The following TTC7B variants were observed in gnomAD, a reference collection of about 807,000 sequenced individuals.
TTC7B encodes the protein tetratricopeptide repeat domain 7B.
TTC7B carries 28 observed loss-of-function variants against 106.8 expected under a neutral mutation model. The ratio of observed to expected loss-of-function variants is 0.26; its 90% CI spans 0.19 to 0.36. The LOEUF is 0.36. Ranked by LOEUF, TTC7B falls within the 10% of genes least tolerant of loss-of-function variation. The pLI is 1.00. For synonymous variants in TTC7B, 405 were observed against 430.6 expected (o/e 0.94, Z 0.74); for missense variants, 862 against 1,076.4 (o/e 0.80, Z 2.79).
Position 90,744,891 on chromosome 14 carries a change from A to G in TTC7B, c.477T>C (p.Ser159=). The G allele has an allele frequency of 6.2e-7, 1 of 1,614,128 alleles. No individual in the cohort carries two copies. Among genetic ancestry groups the G allele is most frequent in the Non-Finnish European group, 8.5e-7 (1 of 1,180,020 alleles). Residue 159 remains serine, a synonymous_variant, in exon 4 of 20, where the codon TCT becomes TCC. Transcript: ENST00000328459. Reference sequence around the variant, plus strand: ...GGTCCACATGGAGATTACTGGTAGAAGAAGAAATAGGCAGCTTCTCCAAAC... The same window carrying G: ...GGTCCACATGGAGATTACTGGTAGAGGAAGAAATAGGCAGCTTCTCCAAAC... ...GLCLEKLPIS[S]STSNLHVDRE... is the part of the protein sequence containing the mutation.
At chr14:90,771,905 ATTTC>A (rs1003514229) in intron 3 of TTC7B, among the ~76,000 whole-genome samples, 6 of 146,398 alleles carry the variant, frequency 4.1e-5, no homozygotes, top group South Asian at 2.1e-4. Context: ...ATATGTATAT[ATTTC>A]TTTATTTTAT....
chr14:90,680,526 A>G lies in TTC7B; in HGVS notation c.960T>C (p.Cys320=), dbSNP rs1285384438. ...ARVYSGENIF[C]PQENTEEALL... ...GGGCTTCTTCCGTATTTTCTTGAGG[A>G]CAAAAAATGCTGCAGTTGAAAGAAA... Residue 320 remains cysteine, a synonymous_variant, in exon 8 of 20, where the codon TGT becomes TGC. Coordinates refer to ENST00000328459, the MANE Select transcript of TTC7B (RefSeq NM_001010854.2). The G allele has an allele frequency of 6.2e-7, 1 of 1,613,712 alleles. No homozygotes were observed. The highest frequency in any genetic ancestry group is 2.2e-5 in the East Asian group (1 of 44,866).
At chr14:90,593,827 CAACA>C in intron 17 of TTC7B, 3 of 467,966 alleles carry the variant, frequency 6.4e-6, no homozygotes, top group Non-Finnish European at 1.1e-5. Context: ...ATCTTTTTGT[CAACA>C]AACAGAGCAC....
At chr14:90,695,178 A>G in intron 6 of TTC7B, among the ~76,000 whole-genome samples, 1 of 80,652 alleles carries the variant, frequency 1.2e-5, no homozygotes, top group Non-Finnish European at 2.4e-5. Flanking sequence ...TAAAATATGT[A>G]TATTTTATAT....
At chr14:90,791,269 C>T (rs1211271845) in intron 1 of TTC7B, among the ~76,000 whole-genome samples, 1 of 152,118 alleles carries the variant, frequency 6.6e-6, no homozygotes, top group Non-Finnish European at 1.5e-5. Context: ...CCTGAGCACC[C>T]TGGGTGTTCA....
chr14:90,711,884 T>A (rs1888463528), intron 5 of TTC7B, among the ~76,000 whole-genome samples: 1 of 152,052 alleles, frequency 6.6e-6, no homozygotes, highest in South Asian at 2.1e-4. Context: ...GCAAAAATAG[T>A]AGGTGTAAAT....
rs1395388763 is a variant in TTC7B at position 90,780,757 on chromosome 14, T to C, written c.426A>G (p.Ala142=). 3.1e-6 allele frequency: 5 copies of C among 1,614,098 alleles called. No individual in the cohort carries two copies. Among genetic ancestry groups the C allele is most frequent in the Non-Finnish European group, 4.2e-6 (5 of 1,180,046 alleles). Residue 142 remains alanine (A), a synonymous_variant, in exon 3 of 20, where the codon GCA becomes GCG. Transcript: ENST00000328459. The part of the protein sequence containing the change: ...AVPPYRLRVI[A]EAYATKGLCL... Reference sequence around the variant, plus strand: ...CCTCACCTTTGGTAGCGTAGGCTTCTGCGATCACCCGCAGCCTGTAGGGCG... The same window carrying C: ...CCTCACCTTTGGTAGCGTAGGCTTCCGCGATCACCCGCAGCCTGTAGGGCG...
At chr14:90,555,316 T>C (rs998294005) in intron 19 of TTC7B, among the ~76,000 whole-genome samples, 1 of 152,164 alleles carries the variant, frequency 6.6e-6, no homozygotes, top group Non-Finnish European at 1.5e-5. Flanking sequence ...TGCCTGGCAC[T>C]GCAGGCCCTT....
intron 5 of TTC7B, among the ~76,000 whole-genome samples, chr14:90,704,986 G>C (rs1888147927): frequency 6.6e-6 from 1 of 152,222 alleles, no homozygotes; most frequent in Non-Finnish European, 1.5e-5. Flanking sequence ...AACATGATCT[G>C]TGAGGAGAAT....
rs71461920 is a variant in TTC7B at position 90,710,056 on chromosome 14, G to GAAAA, written c.699-14482_699-14479dup. ...ATATTTTGGATAAACTTTTCTACTT[G>GAAAA]AAAAAAAAAAAAAAAGAAAACCTCT... On this transcript the variant is annotated intron_variant, in intron 5 of 19. Coordinates refer to ENST00000328459, the MANE Select transcript of TTC7B (RefSeq NM_001010854.2). Among the ~76,000 whole-genome samples the GAAAA allele has an allele frequency of 2.4e-3, 283 of 119,370 alleles. 1 individual carries two copies. The highest frequency in any genetic ancestry group is 8.6e-3 in the African/African-American group (273 of 31,786). 78.3% of individuals were successfully genotyped at this position (119,370 alleles called of 152,430 possible).
chr14:90,652,662 T>C (rs939197930), intron 13 of TTC7B, among the ~76,000 whole-genome samples, 179 bp downstream of exon 13: 5 of 152,144 alleles, frequency 3.3e-5, no homozygotes, highest in Non-Finnish European at 7.3e-5. Flanking sequence ...AGAGTGCAGA[T>C]TGACACAGCA....
intron 5 of TTC7B, among the ~76,000 whole-genome samples, chr14:90,707,329 C>G (rs1340698779): frequency 6.6e-6 from 1 of 152,228 alleles, no homozygotes; most frequent in Non-Finnish European, 1.5e-5. Flanking sequence ...ATCTCTCTCC[C>G]TTTCCTTGGT....
At chr14:90,603,494 G>A (rs1024894632) in intron 17 of TTC7B, among the ~76,000 whole-genome samples, 1 of 152,016 alleles carries the variant, frequency 6.6e-6, no homozygotes, top group African/African-American at 2.4e-5. Flanking sequence ...CAAAAGAAAG[G>A]CCAACTGGGC....
intron 5 of TTC7B, among the ~76,000 whole-genome samples, chr14:90,720,054 C>G (rs1046529648): frequency 6.7e-6 from 1 of 150,028 alleles, no homozygotes; most frequent in Non-Finnish European, 1.5e-5. Context: ...CATCAGCTTA[C>G]ATTCATGTTA....
intron 15 of TTC7B, among the ~76,000 whole-genome samples, chr14:90,626,720 C>A (rs1884459267): frequency 6.6e-6 from 1 of 152,176 alleles, no homozygotes; most frequent in Non-Finnish European, 1.5e-5. Flanking sequence ...CAGCTGGAAA[C>A]CGTGTCTATA....
chr14:90,811,507 T>G (rs2140066301), intron 1 of TTC7B, among the ~76,000 whole-genome samples: 1 of 152,280 alleles, frequency 6.6e-6, no homozygotes, highest in East Asian at 1.9e-4. Context: ...CAGGAGGGTG[T>G]GCATGACCAG....
intron 4 of TTC7B, among the ~76,000 whole-genome samples, chr14:90,733,798 C>T (rs1442088654): frequency 6.6e-6 from 1 of 152,196 alleles, no homozygotes; most frequent in African/African-American, 2.4e-5. Context: ...TAGGACAACA[C>T]CTCTGACCTC....
At chr14:90,632,960 T>C (rs1317484811) in intron 15 of TTC7B, among the ~76,000 whole-genome samples, 7 of 152,366 alleles carry the variant, frequency 4.6e-5, no homozygotes, top group Admixed American at 3.3e-4. Context: ...GTTATATATG[T>C]TCACTTCTTC....
In TTC7B at chr14:90,689,588, G is replaced by C; in HGVS notation, c.902C>G (p.Thr301Arg). The C allele has an allele frequency of 6.2e-7, 1 of 1,614,134 alleles. No homozygotes were observed. Among genetic ancestry groups the C allele is most frequent in the South Asian group, 1.1e-5 (1 of 91,066 alleles). Residue 301 changes from threonine to arginine, a missense_variant, in exon 7 of 20, where the codon ACA becomes AGA. Transcript: ENST00000328459. ...LDDPLRKGAN[T>R]KTYTLTRRAR... ...TCTCCGAGTGAGAGTGTAGGTTTTT[G>C]TGTTTGCTCCTTTGCGGAGAGGATC...
Sources: allele counts gnomAD v4.1 joint callset (sites outside exome capture counted in the v4.1 genomes callset), GRCh38; gene constraint gnomAD v4.1.1; transcripts MANE v1.5; gene names NCBI Gene and HGNC (gene_info 2026-07-23, HGNC 2026-07-21).